PRKN: variants seen among roughly 807,000 people sequenced by gnomAD.
The protein encoded by PRKN is E3 ubiquitin-protein ligase parkin.
PRKN carries 56 observed loss-of-function variants against 59.5 expected under a neutral mutation model. That is an observed-to-expected ratio of 0.94 (90% confidence interval 0.76 to 1.18). The LOEUF is 1.18. Among genes scored for constraint, PRKN ranks in the 50% most tolerant of loss-of-function variants. The probability of loss-of-function intolerance (pLI) is 0.00; values close to 1 mark genes in which losing one functional copy is unlikely to be tolerated. For missense variants in PRKN, 657 were observed against 596.4 expected (o/e 1.10, Z -1.06); for synonymous variants, 250 against 222.1 (o/e 1.13, Z -1.12).
At chr6:161,517,612 C>T (rs578177533) in intron 9 of PRKN, among the ~76,000 whole-genome samples, 1 of 151,750 alleles carries the variant, frequency 6.6e-6, no homozygotes, top group Non-Finnish European at 1.5e-5. Flanking sequence ...TGGTGGCGGT[C>T]GCCTGTAGTC....
chr6:162,612,385 G>A (rs926497731), intron 1 of PRKN, among the ~76,000 whole-genome samples: 5 of 151,614 alleles, frequency 3.3e-5, no homozygotes, highest in African/African-American at 9.7e-5. Flanking sequence ...GGATCAGGCC[G>A]GACGAAGGTT....
intron 9 of PRKN, among the ~76,000 whole-genome samples, chr6:161,438,802 T>C (rs182515839): frequency 6.6e-6 from 1 of 152,276 alleles, no homozygotes; most frequent in Non-Finnish European, 1.5e-5. Flanking sequence ...TGCTTGTAAA[T>C]TGGCTTAGGA....
intron 1 of PRKN, among the ~76,000 whole-genome samples, chr6:162,646,161 C>G (rs1052998579): frequency 1.3e-5 from 2 of 152,066 alleles, no homozygotes; most frequent in Non-Finnish European, 2.9e-5. Context: ...TGTGAGCCAC[C>G]ACACCCGGCC....
At chr6:161,398,392 C>T (rs920137875) in intron 9 of PRKN, among the ~76,000 whole-genome samples, 1 of 152,110 alleles carries the variant, frequency 6.6e-6, no homozygotes, top group Non-Finnish European at 1.5e-5. Context: ...CTAGCACCAT[C>T]AGCATCACCC....
At chr6:161,980,425 G>A (rs997682356) in intron 5 of PRKN, among the ~76,000 whole-genome samples, 2 of 152,148 alleles carry the variant, frequency 1.3e-5, no homozygotes, top group East Asian at 3.8e-4. Flanking sequence ...CATGGCTCAG[G>A]GTATAGTTAG....
intron 1 of PRKN, among the ~76,000 whole-genome samples, chr6:162,686,569 GAACT>G (rs769216908): frequency 1.1e-4 from 17 of 152,112 alleles, no homozygotes; most frequent in Non-Finnish European, 1.9e-4. Context: ...CATCAAAAAG[GAACT>G]AATAAATAAT....
intron 7 of PRKN, among the ~76,000 whole-genome samples, chr6:161,768,322 T>A (rs185899693): frequency 0.011 from 1,743 of 152,328 alleles, 17 homozygotes; most frequent in Non-Finnish European, 0.017. Context: ...GGGTTTTCAA[T>A]TACATGCGTG....
chr6:161,889,734 TA>T (rs1424617350), intron 6 of PRKN, among the ~76,000 whole-genome samples: 2 of 152,202 alleles, frequency 1.3e-5, no homozygotes. Context: ...TTAAAAGTTT[TA>T]AAAAATAGTG....
rs375349346 is a variant in PRKN, at chr6:162,462,513, A to G, written c.8-19040T>C. On this transcript the variant is annotated intron_variant, in intron 1 of 11. Coordinates refer to ENST00000366898, the MANE Select transcript of PRKN (RefSeq NM_004562.3). ...GTGTGTATGTGTATGGTGTGTATAC[A>G]TGTGTGGATGTGTGTGGATGTGTGC... Among the ~76,000 whole-genome samples the G allele has an allele frequency of 2.6e-5, 4 of 152,100 alleles. No homozygotes were observed. The South Asian group carries it at 6.2e-4, about 24-fold the overall frequency.
intron 7 of PRKN, among the ~76,000 whole-genome samples, chr6:161,655,830 A>C (rs1176954667): frequency 6.6e-6 from 1 of 152,016 alleles, no homozygotes; most frequent in Non-Finnish European, 1.5e-5. Context: ...ATTGATTTCC[A>C]GTTCAAACTC....
At chr6:162,530,673 AG>A (rs1361599035) in intron 1 of PRKN, among the ~76,000 whole-genome samples, 1 of 152,218 alleles carries the variant, frequency 6.6e-6, no homozygotes, top group Non-Finnish European at 1.5e-5. Flanking sequence ...GTCATGCATG[AG>A]GGATCGCTAT....
chr6:162,680,427 A>G (rs977362554), intron 1 of PRKN, among the ~76,000 whole-genome samples: 7 of 151,822 alleles, frequency 4.6e-5, no homozygotes, highest in Non-Finnish European at 8.8e-5. Context: ...AGGTCATGAG[A>G]TCAAGATTAT....
chr6:161,953,463 G>C (rs1339146404), intron 6 of PRKN, among the ~76,000 whole-genome samples: 1 of 152,052 alleles, frequency 6.6e-6, no homozygotes, highest in African/African-American at 2.4e-5. Flanking sequence ...ATTTAGGGTG[G>C]GGGGATGGCA....
chr6:161,620,621 G>C (rs1450205738), intron 7 of PRKN, among the ~76,000 whole-genome samples: 1 of 152,150 alleles, frequency 6.6e-6, no homozygotes, highest in Non-Finnish European at 1.5e-5. Flanking sequence ...TCTCCACTTT[G>C]CATCGACATT....
intron 7 of PRKN, among the ~76,000 whole-genome samples, chr6:161,637,486 C>G (rs1366678773): frequency 6.6e-6 from 1 of 151,830 alleles, no homozygotes; most frequent in African/African-American, 2.4e-5. Context: ...ATGTCTCTGG[C>G]CCTCTAACTT....
At chr6:162,661,014 C>T (rs989644691) in intron 1 of PRKN, among the ~76,000 whole-genome samples, 3 of 152,110 alleles carry the variant, frequency 2.0e-5, no homozygotes, top group Admixed American at 6.6e-5. Flanking sequence ...GTAATCCTAG[C>T]ACTTTGGGAG....
intron 7 of PRKN, among the ~76,000 whole-genome samples, chr6:161,686,303 G>GACT (rs1211566317): frequency 6.8e-6 from 1 of 146,752 alleles, no homozygotes; most frequent in Non-Finnish European, 1.6e-5. Context: ...CTCTCCAGGT[G>GACT]ATGTCAATGG....
At chr6:161,904,179 A>T (rs1778041622) in intron 6 of PRKN, among the ~76,000 whole-genome samples, 1 of 152,124 alleles carries the variant, frequency 6.6e-6, no homozygotes, top group African/African-American at 2.4e-5. Context: ...TTAAAAAATA[A>T]TAAGTTAAAA....
rs557793151 is a variant in PRKN at position 162,264,119 on chromosome 6, C to CA, written c.172-1355dup. ...TGAAACCCCATCTCTACTAAAAATA[C>CA]AAAAAAAATTAGCCGGCTTTGGTGG... On this transcript the variant is annotated intron_variant, in intron 2 of 11. Coordinates refer to ENST00000366898, the MANE Select transcript of PRKN (RefSeq NM_004562.3). 1.7e-3 allele frequency among the ~76,000 whole-genome samples: 255 copies of CA among 151,214 alleles called. 6 individuals carry two copies. In the East Asian group the frequency reaches 0.025, roughly 15 times the overall value.
Sources: allele counts gnomAD v4.1 joint callset (sites outside exome capture counted in the v4.1 genomes callset), GRCh38; gene constraint gnomAD v4.1.1; transcripts MANE v1.5; gene names NCBI Gene and HGNC (gene_info 2026-07-23, HGNC 2026-07-21).